MICU1: variants seen among roughly 807,000 people sequenced by gnomAD.
MICU1 encodes mitochondrial calcium uptake 1.
A neutral mutation model predicts 56.8 loss-of-function variants in MICU1; 45 were observed. That is an observed-to-expected ratio of 0.79 (90% CI 0.62 to 1.02). MICU1 has a LOEUF of 1.02. Ranked by LOEUF, MICU1 falls within the 50% of genes least tolerant of loss-of-function variation. The pLI is 0.00. For missense variants in MICU1, 504 were observed against 587.1 expected, an observed-to-expected ratio of 0.86 and a Z score of 1.46; for synonymous variants, 186 against 195.1, an observed-to-expected ratio of 0.95 and a Z score of 0.39.
intron 4 of MICU1, among the ~76,000 whole-genome samples, chr10:72,538,272 A>G (rs1839685015): frequency 6.6e-6 from 1 of 152,160 alleles, no homozygotes; most frequent in Non-Finnish European, 1.5e-5. Flanking sequence ...TCTGCAATGT[A>G]TATCACAGAT....
At chr10:72,410,518 C>A (rs963081343) in intron 9 of MICU1, among the ~76,000 whole-genome samples, 3 of 152,172 alleles carry the variant, frequency 2.0e-5, no homozygotes, top group Admixed American at 1.3e-4. Flanking sequence ...ACTTGGGAGG[C>A]TGAGGCAGGA....
intron 11 of MICU1, among the ~76,000 whole-genome samples, chr10:72,370,741 G>A (rs746815521): frequency 2.0e-5 from 3 of 152,036 alleles, no homozygotes; most frequent in Non-Finnish European, 2.9e-5. Context: ...TAAGATATTT[G>A]TACTTTAGGC....
chr10:72,458,166 CAAA>C (rs111890564), intron 8 of MICU1, among the ~76,000 whole-genome samples: 1 of 117,002 alleles, frequency 8.5e-6, no homozygotes. Flanking sequence ...AAATCCATCT[CAAA>C]AAAAAAAAAG....
chr10:72,411,011 C>T (rs1863791366), intron 9 of MICU1, among the ~76,000 whole-genome samples: 1 of 152,196 alleles, frequency 6.6e-6, no homozygotes, highest in South Asian at 2.1e-4. Flanking sequence ...CATATACACA[C>T]AATGGAATAT....
At chr10:72,418,544 T>A (rs892478839) in intron 9 of MICU1, among the ~76,000 whole-genome samples, 1 of 152,176 alleles carries the variant, frequency 6.6e-6, no homozygotes, top group Non-Finnish European at 1.5e-5. Context: ...AAATACAGTA[T>A]CTAACAAGGC....
intron 1 of MICU1, among the ~76,000 whole-genome samples, chr10:72,608,517 A>C (rs1841753671): frequency 6.6e-6 from 1 of 152,254 alleles, no homozygotes; most frequent in Non-Finnish European, 1.5e-5. Flanking sequence ...CATTAGGTAA[A>C]AGCAAATTAA....
At chr10:72,398,296 T>C (rs1395813449) in intron 10 of MICU1, among the ~76,000 whole-genome samples, 1 of 152,160 alleles carries the variant, frequency 6.6e-6, no homozygotes, top group Non-Finnish European at 1.5e-5. Context: ...AAGCAGTGTA[T>C]AGAGGGAAAT....
At chr10:72,611,418 C>A (rs1235047195) in intron 1 of MICU1, among the ~76,000 whole-genome samples, 3 of 152,072 alleles carry the variant, frequency 2.0e-5, no homozygotes, top group African/African-American at 7.2e-5. Context: ...TGGAGACCAG[C>A]CTGGCCAACA....
At chr10:72,624,257 C>T (rs3000971) in intron 1 of MICU1, among the ~76,000 whole-genome samples, 85,568 of 151,998 alleles carry the variant, frequency 0.56, 25,442 homozygotes, top group Non-Finnish European at 0.67. Context: ...TGCAATGGTA[C>T]GATCACAGCT....
At chr10:72,588,080 G>A (rs1406107451) in intron 1 of MICU1, among the ~76,000 whole-genome samples, 1 of 152,110 alleles carries the variant, frequency 6.6e-6, no homozygotes, top group Non-Finnish European at 1.5e-5. Context: ...ATCACGGGGG[G>A]CAGATTTTCC....
chr10:72,595,985 CTTT>C (rs1220444933), intron 1 of MICU1, among the ~76,000 whole-genome samples: 5 of 119,256 alleles, frequency 4.2e-5, no homozygotes, highest in Admixed American at 8.3e-5. Flanking sequence ...AAATTTTTTT[CTTT>C]TTTTTTTTTT....
intron 3 of MICU1, chr10:72,560,456 G>A (rs1840268766): frequency 6.6e-6 from 1 of 152,208 alleles, no homozygotes; most frequent in Admixed American, 6.5e-5. Context: ...AACTGCTTAA[G>A]AAACAAGGAT....
chr10:72,502,465 T>G (rs1271001602), intron 6 of MICU1, among the ~76,000 whole-genome samples: 1 of 152,182 alleles, frequency 6.6e-6, no homozygotes, highest in South Asian at 2.1e-4. Flanking sequence ...CTTATTCCGT[T>G]AACTTTGAAT....
chr10:72,393,344 C>T (rs1863141943), intron 10 of MICU1, among the ~76,000 whole-genome samples: 1 of 152,122 alleles, frequency 6.6e-6, no homozygotes, highest in South Asian at 2.1e-4. Context: ...GATGATGGAA[C>T]TACTTTAGAA....
chr10:72,538,620 A>G (rs7080290), intron 4 of MICU1, among the ~76,000 whole-genome samples: 51 of 152,248 alleles, frequency 3.3e-4, no homozygotes, highest in African/African-American at 1.2e-3. Flanking sequence ...GAATTAAAAT[A>G]TACTACCAGA....
Position 72,554,449 on chromosome 10 carries a change from A to C in MICU1, c.331-3108T>G, listed in dbSNP as rs531945186. Among the ~76,000 whole-genome samples the C allele has an allele frequency of 7.2e-5, 11 of 152,316 alleles. 1 individual carries two copies. In the South Asian group the frequency reaches 2.3e-3, roughly 32 times the overall value. ...GCCAATATTTAGGTAATATAGAGAA[A>C]AGAGAAACACGCTGAATTGCACTGA... On this transcript the variant is annotated intron_variant, in intron 3 of 11. Coordinates refer to ENST00000361114, the MANE Select transcript of MICU1 (RefSeq NM_001195518.2).
rs995309366 is a variant in MICU1, at chr10:72,492,549, G to A, written c.653-15293C>T. Among the ~76,000 whole-genome samples the A allele has an allele frequency of 7.2e-5, 11 of 152,032 alleles. 1 individual carries two copies. In the South Asian group the frequency reaches 2.3e-3, roughly 32 times the overall value. On this transcript the variant is annotated intron_variant, in intron 6 of 11. Coordinates refer to ENST00000361114, the MANE Select transcript of MICU1 (RefSeq NM_001195518.2). Reference sequence around the variant, plus strand: ...AGGTTGAGGCGGATGGATCACCTGAGGTCAGGAGTTCAAGACCAGCCTGAC... The same window carrying A: ...AGGTTGAGGCGGATGGATCACCTGAAGTCAGGAGTTCAAGACCAGCCTGAC...
chr10:72,570,842 T>A (rs918897213), intron 1 of MICU1, among the ~76,000 whole-genome samples: 1 of 152,170 alleles, frequency 6.6e-6, no homozygotes, highest in Non-Finnish European at 1.5e-5. Flanking sequence ...TCCATTATAT[T>A]TTCTTCCTGT....
chr10:72,399,821 G>T (rs1023778342), intron 10 of MICU1, among the ~76,000 whole-genome samples: 1 of 151,892 alleles, frequency 6.6e-6, no homozygotes, highest in Non-Finnish European at 1.5e-5. Flanking sequence ...AAATTAGCTG[G>T]GTGGTGGGTG....
Sources: gnomAD v4.1 joint callset for allele counts (sites outside exome capture counted in the v4.1 genomes callset) on GRCh38, gnomAD v4.1.1 for gene constraint, MANE v1.5 for transcripts, NCBI Gene and HGNC (gene_info 2026-07-23, HGNC 2026-07-21) for gene names.